Variants in LSM14A observed in about 807,000 individuals in gnomAD.
The protein encoded by LSM14A is LSM14A mRNA processing body assembly factor.
Under a neutral mutation model 52.4 loss-of-function variants are expected in LSM14A, and 14 were observed. The observed-to-expected ratio is 0.27, with a 90% CI of 0.18 to 0.42. LSM14A has a LOEUF of 0.42. LSM14A is among the 10% of genes least tolerant of loss of function. The pLI is 1.00. For synonymous variants in LSM14A, 185 were observed against 200.3 expected (o/e 0.92, Z 0.64); for missense variants, 417 against 581.8 (o/e 0.72, Z 2.91).
chr19:34,185,423 G>A (rs1045851805), intron 1 of LSM14A, among the ~76,000 whole-genome samples: 13 of 152,222 alleles, frequency 8.5e-5, no homozygotes, highest in Admixed American at 7.9e-4. Flanking sequence ...TTTGCTAACA[G>A]GAAGAAAGTA....
intron 9 of LSM14A, among the ~76,000 whole-genome samples, chr19:34,224,729 G>C (rs544397877): frequency 3.3e-4 from 51 of 152,300 alleles, no homozygotes; most frequent in African/African-American, 1.2e-3. Context: ...GCTGCCTCAT[G>C]GTTATCTCAC....
intron 3 of LSM14A, among the ~76,000 whole-genome samples, chr19:34,196,981 T>A (rs1018779434): frequency 3.3e-5 from 5 of 151,964 alleles, no homozygotes; most frequent in Non-Finnish European, 5.9e-5. Flanking sequence ...CATTTTTTTT[T>A]ACTAGGTAAA....
intron 3 of LSM14A, among the ~76,000 whole-genome samples, chr19:34,207,753 ACTC>A (rs530987820): frequency 4.6e-5 from 7 of 151,680 alleles, no homozygotes; most frequent in African/African-American, 1.5e-4. Flanking sequence ...CCAGTCTTGA[ACTC>A]CTGATCTCGT....
chr19:34,210,924 T>C (rs1005587500), intron 4 of LSM14A, among the ~76,000 whole-genome samples: 13 of 152,050 alleles, frequency 8.5e-5, no homozygotes, highest in Non-Finnish European at 1.6e-4. Context: ...AGCATAAATA[T>C]TGAAATTAGC....
In LSM14A at chr19:34,184,924, T is replaced by C. The variant is rs1054299805; in HGVS notation, c.122-9554T>C. Among the ~76,000 whole-genome samples the C allele has an allele frequency of 3.3e-5, 5 of 152,340 alleles. No individual in the cohort carries two copies. In the East Asian group the frequency reaches 9.6e-4, roughly 29 times the overall value. On this transcript the variant is annotated intron_variant, in intron 1 of 9. Coordinates refer to ENST00000544216, the MANE Select transcript of LSM14A (RefSeq NM_015578.4). The stretch of plus-strand genomic sequence containing the variant: ...CAGATGAGTTAGAATTAGCCACATG[T>C]AGAGGCTATCTAGGAAGATGTTAAG...
chr19:34,220,704 A>C (rs1305570811), intron 8 of LSM14A, among the ~76,000 whole-genome samples: 1 of 152,190 alleles, frequency 6.6e-6, no homozygotes, highest in Non-Finnish European at 1.5e-5. Context: ...GGATGGACAT[A>C]ATTCTGAGTC....
intron 3 of LSM14A, among the ~76,000 whole-genome samples, chr19:34,199,053 G>A (rs1330512820): frequency 6.6e-6 from 1 of 152,140 alleles, no homozygotes; most frequent in Non-Finnish European, 1.5e-5. Context: ...CTCTTAGTAG[G>A]ATATATTCTA....
chr19:34,213,885 A>G (rs1019140045), intron 4 of LSM14A, among the ~76,000 whole-genome samples: 10 of 152,176 alleles, frequency 6.6e-5, no homozygotes, highest in African/African-American at 9.7e-5. Flanking sequence ...GGCTCAAGCA[A>G]TCCACCCACT....
At chr19:34,184,000 C>T (rs764686485) in intron 1 of LSM14A, among the ~76,000 whole-genome samples, 12 of 151,672 alleles carry the variant, frequency 7.9e-5, no homozygotes, top group Admixed American at 5.9e-4. Context: ...TAGCTGCCTA[C>T]GACCCCCAGT....
chr19:34,203,629 G>A (rs1277350308), intron 3 of LSM14A, among the ~76,000 whole-genome samples: 2 of 151,852 alleles, frequency 1.3e-5, no homozygotes, highest in Non-Finnish European at 2.9e-5. Context: ...GTGAAACCCT[G>A]TCTCTACTAA....
At chr19:34,224,620 G>A (rs1453075280) in intron 9 of LSM14A, among the ~76,000 whole-genome samples, 1 of 152,210 alleles carries the variant, frequency 6.6e-6, no homozygotes, top group East Asian at 1.9e-4. Context: ...AGGCTCAGTT[G>A]TGACATTGTA....
chr19:34,201,941 C>G (rs1465529334), intron 3 of LSM14A, among the ~76,000 whole-genome samples: 1 of 151,978 alleles, frequency 6.6e-6, no homozygotes, highest in East Asian at 1.9e-4. Context: ...CCCATCTCAA[C>G]CTCCCTAGTA....
intron 4 of LSM14A, among the ~76,000 whole-genome samples, chr19:34,209,757 G>A (rs542908916): frequency 3.2e-4 from 48 of 151,318 alleles, no homozygotes; most frequent in African/African-American, 1.2e-3. Context: ...GGCTGGTCTC[G>A]AACTCCTGGG....
intron 4 of LSM14A, 71 bp from the exon 5 acceptor site, chr19:34,215,053 A>G (rs936934098): frequency 4.6e-6 from 6 of 1,313,698 alleles, no homozygotes; most frequent in Middle Eastern, 2.7e-4. Context: ...ACTCTGGACA[A>G]TTTTTTTTAG....
In LSM14A at chr19:34,196,887, A is replaced by T. The variant is rs1315250483; in HGVS notation, c.415+124A>T. On this transcript the variant is annotated intron_variant, in intron 3 of 9. Coordinates refer to ENST00000544216, the MANE Select transcript of LSM14A (RefSeq NM_015578.4). ...GATGTTCCTTTTGTAACTTTGTTTT[A>T]TGGTATTCAGAACACATTTTGATGA... The T allele has an allele frequency of 4.7e-6, 4 of 843,798 alleles. No homozygotes were observed. In the East Asian group the frequency reaches 1.1e-4, roughly 24 times the overall value. 52.3% of individuals were successfully genotyped at this position (843,798 alleles called of 1,614,324 possible).
intron 3 of LSM14A, among the ~76,000 whole-genome samples, chr19:34,200,037 T>C (rs552615501): frequency 6.6e-6 from 1 of 152,342 alleles, no homozygotes; most frequent in South Asian, 2.1e-4. Flanking sequence ...TGAACAATTA[T>C]GTGTCTCCTG....
intron 1 of LSM14A, among the ~76,000 whole-genome samples, chr19:34,178,602 C>T (rs35406703): frequency 0.24 from 36,515 of 152,116 alleles, 4,554 homozygotes; most frequent in Admixed American, 0.3. Context: ...TCACCTTCCC[C>T]TTCACCTCCA....
intron 1 of LSM14A, among the ~76,000 whole-genome samples, chr19:34,179,512 C>T (rs754146230): frequency 1.3e-5 from 2 of 152,136 alleles, no homozygotes; most frequent in Non-Finnish European, 2.9e-5. Flanking sequence ...GTTGCCAGTA[C>T]TTGGAGCCTT....
intron 1 of LSM14A, among the ~76,000 whole-genome samples, chr19:34,177,894 T>C (rs2069190715): frequency 6.6e-6 from 1 of 151,850 alleles, no homozygotes; most frequent in Non-Finnish European, 1.5e-5. Flanking sequence ...AAAATAACAA[T>C]GATAGCCTGT....
Sources: gnomAD v4.1 joint callset for allele counts (sites outside exome capture counted in the v4.1 genomes callset) on GRCh38, gnomAD v4.1.1 for gene constraint, MANE v1.5 for transcripts, NCBI Gene and HGNC (gene_info 2026-07-23, HGNC 2026-07-21) for gene names.